HSPG2: variants seen among roughly 807,000 people sequenced by gnomAD.
HSPG2 encodes the protein basement membrane-specific heparan sulfate proteoglycan core protein.
A neutral mutation model predicts 526.6 loss-of-function variants in HSPG2; 278 were observed. The ratio of observed to expected loss-of-function variants is 0.53; its 90% confidence interval spans 0.48 to 0.58. The LOEUF is 0.58. Among genes scored for constraint, HSPG2 ranks in the 20% least tolerant of loss-of-function variants. HSPG2 has a pLI of 0.00. For synonymous variants in HSPG2, 2,465 were observed against 2,555.4 expected, an observed-to-expected ratio of 0.96 and a Z score of 1.07; for missense variants, 5,354 against 6,099.5, an observed-to-expected ratio of 0.88 and a Z score of 4.07.
chr1:21,828,031 T>C lies in HSPG2; in HGVS notation c.12531A>G (p.Gln4177=). The change falls in exon 90 of 97, where the codon CAA becomes CAG. Residue 4177 remains glutamine (Q), a splice_region_variant and synonymous_variant. Coordinates refer to ENST00000374695, the MANE Select transcript of HSPG2 (RefSeq NM_005529.7). The surrounding 1 kb of genome is among the most constrained non-coding windows in gnomAD (Gnocchi z 6.0). ...LPGFSGPRCQ[Q]GSGHGIAESD... ...TGGAGAGAAGCCAGGCCTGGGTACC[T>C]TGTTGGCAGCGTGGGCCAGAGAAGC... The C allele has an allele frequency of 6.2e-7, 1 of 1,613,522 alleles. No homozygotes were observed. The highest frequency in any genetic ancestry group is 8.5e-7 in the Non-Finnish European group (1 of 1,179,978).
At chr1:21,922,961 C>A (rs1435892014) in intron 1 of HSPG2, among the ~76,000 whole-genome samples, 1 of 152,068 alleles carries the variant, frequency 6.6e-6, no homozygotes, top group East Asian at 1.9e-4. Context: ...CCCATCCCGC[C>A]CCCACCCCGA....
intron 71 of HSPG2, among the ~76,000 whole-genome samples, chr1:21,840,268 G>T (rs1172995761): frequency 1.3e-5 from 2 of 152,114 alleles, no homozygotes; most frequent in African/African-American, 4.8e-5. Context: ...CTCCTGAATA[G>T]CTGGGACTAC....
chr1:21,856,593 T>G (rs989102175), intron 44 of HSPG2, among the ~76,000 whole-genome samples: 8 of 125,972 alleles, frequency 6.4e-5, no homozygotes, highest in Non-Finnish European at 1.2e-4. Flanking sequence ...AGTTTTTGTA[T>G]TTTTAGTAGA....
chr1:21,926,479 G>A (rs1209279484), intron 1 of HSPG2, among the ~76,000 whole-genome samples: 2 of 152,120 alleles, frequency 1.3e-5, no homozygotes, highest in Admixed American at 6.5e-5. Context: ...GCTGCTGGGC[G>A]TGGTGGCTCA....
chr1:21,834,619 A>G, intron 77 of HSPG2, 60 bp downstream of exon 77: 1 of 1,582,124 alleles, frequency 6.3e-7, no homozygotes, highest in East Asian at 2.3e-5. Context: ...AGAAGATGGC[A>G]GCAGGAGAAG....
At chr1:21,880,635 A>G in intron 15 of HSPG2, 21 bp downstream of exon 15, 1 of 1,595,422 alleles carries the variant, frequency 6.3e-7, no homozygotes, top group South Asian at 1.1e-5. Flanking sequence ...TCCCAGCCCT[A>G]AGGGCTCAGG....
rs377715367 is a variant in HSPG2 at position 21,847,463 on chromosome 1, T to G, written c.8055A>C (p.Gln2685His). ...ACTCGCCCGAGTCAGCCACAGACATTTGGTGCAACCGCAGGTGGGAGCCAT... is the reference window on the plus strand; with the variant it reads ...ACTCGCCCGAGTCAGCCACAGACATGTGGTGCAACCGCAGGTGGGAGCCAT... ...QTHGSHLRLH[Q>H]MSVADSGEYV... Residue 2685 changes from glutamine to histidine, a missense_variant, in exon 62 of 97, where the codon CAA (glutamine) becomes CAC (histidine). Transcript: ENST00000374695. This position sits in a 1 kb window ranked among gnomAD's most constrained non-coding sequence, Gnocchi z 4.1. 6.2e-7 allele frequency: 1 copy of G among 1,613,422 alleles called. No homozygotes were observed. Among genetic ancestry groups the G allele is most frequent in the Admixed American group, 1.7e-5 (1 of 59,968 alleles).
Position 21,836,935 on chromosome 1 carries a change from G to T in HSPG2, c.10222C>A (p.Leu3408Ile). 1 of 1,557,324 alleles carries T rather than the reference G, an allele frequency of 6.4e-7. No homozygotes were observed. Among genetic ancestry groups the T allele is most frequent in the Non-Finnish European group, 8.7e-7 (1 of 1,150,346 alleles). ...CTGGCCCCAATGCTCTTGGTCTCTA[G>T]CTGAGGCGTGACCTGCACGGTGGGC... is the stretch of plus-strand genomic sequence containing the variant. ...STPTVQVTPQ[L>I]ETKSIGASVE... Residue 3408 changes from leucine to isoleucine, a missense_variant, in exon 75 of 97, where the codon CTA becomes ATA. Coordinates refer to ENST00000374695, the MANE Select transcript of HSPG2 (RefSeq NM_005529.7).
chr1:21,874,925 G>A lies in HSPG2; in HGVS notation c.3380C>T (p.Ser1127Phe), dbSNP rs772056698. Residue 1127 changes from serine (S) to phenylalanine (F), a missense_variant, in exon 26 of 97, where the codon TCC (serine) becomes TTC (phenylalanine). Transcript: ENST00000374695. ...QDPALEVEQC[S>F]CPPGYRGPSC... ...CGGCCCACGGTACCCGGGTGGGCAG[G>A]AGCACTGTTCCACTTCCAGCGCGGG... 2 of 1,613,016 alleles carry A rather than the reference G, an allele frequency of 1.2e-6. No individual in the cohort carries two copies. Among genetic ancestry groups the A allele is most frequent in the East Asian group, 2.2e-5 (1 of 44,844 alleles).
Position 21,823,475 on chromosome 1 carries a change from G to A in HSPG2, c.13017C>T (p.Asp4339=), listed in dbSNP as rs531662488. ...KGSVYIGGAP[D]VATLTGGRFS... ...ATCTGCCCCCGGTCAGCGTGGCCAC[G>A]TCAGGGGCTCCGCCTGCCGGGAGGT... The change falls in exon 97 of 97, where the codon GAC becomes GAT. Residue 4339 remains aspartate (D), a synonymous_variant. Transcript: ENST00000374695. 1.2e-5 allele frequency: 19 copies of A among 1,600,062 alleles called. No individual in the cohort carries two copies. Among genetic ancestry groups the A allele is most frequent in the East Asian group, 1.1e-4 (5 of 44,550 alleles).
At chr1:21,877,496 CTTT>C (rs11299186) in intron 21 of HSPG2, 27 of 95,970 alleles carry the variant, frequency 2.8e-4, no homozygotes, top group Admixed American at 2.2e-4. Flanking sequence ...TACTCACATT[CTTT>C]TTTTTTTTTT....
At position 21,870,276 on chromosome 1, in the gene HSPG2, G is replaced by A. The variant is rs76961295; in HGVS notation, c.4221+1910C>T. On this transcript the variant is annotated intron_variant, in intron 33 of 96. Transcript: ENST00000374695. ...GCTCTGGGATCCTCCCAGCTGTCAC[G>A]GCTGCCCGCAACTGCTCCTCTGAGA... 8.3e-4 allele frequency: 816 copies of A among 986,078 alleles called. 5 individuals are homozygous for A. The African/African-American group carries it at 0.013, about 16-fold the overall frequency. The allele number at this position is 986,078 out of a possible 1,614,324, so 61.1% of individuals were successfully genotyped here.
In HSPG2 at chr1:21,854,953, G is replaced by A. The variant is rs761010232; in HGVS notation, c.6028C>T (p.Leu2010=). The A allele has an allele frequency of 1.8e-5, 29 of 1,613,852 alleles. No homozygotes were observed. The highest frequency in any genetic ancestry group is 2.5e-5 in the Non-Finnish European group (29 of 1,180,046). ...ARSERTDIAT[L]LIPAITTADA... ...GCAGTCGTGATGGCTGGGATGAGCA[G>A]TGTCGCGATGTCTGTGCGCTCTGAC... The change falls in exon 48 of 97, where the codon CTG becomes TTG. Residue 2010 remains leucine (L), a synonymous_variant. Coordinates refer to ENST00000374695, the MANE Select transcript of HSPG2 (RefSeq NM_005529.7).
Position 21,854,717 on chromosome 1 carries a change from G to A in HSPG2, c.6182C>T (p.Ser2061Phe). The change falls in exon 49 of 97, where the codon TCT becomes TTT. Residue 2061 changes from serine (S) to phenylalanine (F), a missense_variant. Transcript: ENST00000374695. ...PPVKIESSSP[S>F]VTEGQTLDLN... is the part of the protein sequence containing the mutation. The stretch of plus-strand genomic sequence containing the variant: ...GTCGAGTGTTTGCCCTTCTGTCACA[G>A]AAGGCGATGAGGACTCAATCTTGAC... 5.6e-6 allele frequency: 9 copies of A among 1,613,418 alleles called. No individual in the cohort carries two copies. The highest frequency in any genetic ancestry group is 7.6e-6 in the Non-Finnish European group (9 of 1,179,748).
At position 21,841,344 on chromosome 1, in the gene HSPG2, T is replaced by G. The variant is rs1156562099; in HGVS notation, c.9329-59A>C. ...GCAGGGCTCTGCTGCTCACCCACAC[T>G]GCCATGGCCTCCAGCTTAGTAACTG... On this transcript the variant is annotated intron_variant, in intron 70 of 96. Coordinates refer to ENST00000374695, the MANE Select transcript of HSPG2 (RefSeq NM_005529.7). The G allele has an allele frequency of 4.4e-6, 7 of 1,602,160 alleles. No individual in the cohort carries two copies. In the East Asian group the frequency reaches 1.3e-4, roughly 31 times the overall value.
intron 63 of HSPG2, 94 bp downstream of exon 63, chr1:21,846,354 C>T (rs1354748284): frequency 6.2e-7 from 1 of 1,605,690 alleles, no homozygotes; most frequent in Admixed American, 1.7e-5. Flanking sequence ...GGGGGTACTG[C>T]ACCCCACGGG....
rs1459037253 is a variant in HSPG2 at position 21,867,730 on chromosome 1, T to C, written c.4222-1921A>G. Among the ~76,000 whole-genome samples the C allele has an allele frequency of 5.9e-5, 9 of 152,000 alleles. No homozygotes were observed. In the South Asian group the frequency reaches 1.9e-3, roughly 32 times the overall value. ...GAATGTACCTTGTGACTGCCTATTC[T>C]TTTTTTTGTTTGTTTTTTGAGATGG... On this transcript the variant is annotated intron_variant, in intron 33 of 96. Coordinates refer to ENST00000374695, the MANE Select transcript of HSPG2 (RefSeq NM_005529.7).
chr1:21,855,766 T>A lies in HSPG2; in HGVS notation c.5701+21A>T, dbSNP rs918147782. ...ACCCAGGAGAGTCAGGCCTTGAATG[T>A]CATTCCCATCACGGCCTCACCTGTC... On this transcript the variant is annotated intron_variant, in intron 45 of 96. Transcript: ENST00000374695. 8 of 1,612,172 alleles carry A rather than the reference T, an allele frequency of 5.0e-6. No individual in the cohort carries two copies. The African/African-American group carries it at 9.3e-5, about 19-fold the overall frequency.
rs750025665 is a variant in HSPG2 at position 21,847,859 on chromosome 1, G to T, written c.7874-19C>A. ...CTGGGCACTGGGGACAGACGGGTGT[G>T]GACCACGCAGCCAGAGTGAGATAAC... On this transcript the variant is annotated intron_variant, in intron 60 of 96. Coordinates refer to ENST00000374695, the MANE Select transcript of HSPG2 (RefSeq NM_005529.7). This position sits in a 1 kb window ranked among gnomAD's most constrained non-coding sequence, Gnocchi z 4.1. The T allele has an allele frequency of 6.2e-7, 1 of 1,613,902 alleles. No individual in the cohort carries two copies. Among genetic ancestry groups the T allele is most frequent in the Non-Finnish European group, 8.5e-7 (1 of 1,180,028 alleles).
Sources: gnomAD v4.1 joint callset for allele counts (sites outside exome capture counted in the v4.1 genomes callset) on GRCh38, gnomAD v4.1.1 for gene constraint, Gnocchi (gnomAD v3.1) non-coding constraint, MANE v1.5 for transcripts, NCBI Gene and HGNC (gene_info 2026-07-23, HGNC 2026-07-21) for gene names.